CDH12: variants seen among roughly 807,000 people sequenced by gnomAD.
The protein encoded by CDH12 is cadherin-12.
In CDH12, 41 loss-of-function variants were observed where a neutral mutation model predicts 74.1. The observed-to-expected ratio is 0.55, with a 90% CI of 0.43 to 0.72. The LOEUF is 0.72. Ranked by LOEUF, CDH12 falls within the 30% of genes least tolerant of loss-of-function variation. The pLI, the probability that CDH12 is intolerant of heterozygous loss-of-function variation, is 0.00. For missense variants in CDH12, 945 were observed against 977.2 expected (o/e 0.97, Z 0.44); for synonymous variants, 399 against 355.0 (o/e 1.12, Z -1.39).
chr5:22,618,175 T>G (rs1737784402), intron 1 of CDH12, among the ~76,000 whole-genome samples: 1 of 152,136 alleles, frequency 6.6e-6, no homozygotes, highest in Non-Finnish European at 1.5e-5. Context: ...TAAATTGTTT[T>G]TCATTCAAAT....
intron 1 of CDH12, among the ~76,000 whole-genome samples, chr5:22,559,783 C>A (rs568450449): frequency 6.6e-6 from 1 of 152,138 alleles, no homozygotes; most frequent in East Asian, 1.9e-4. Flanking sequence ...TAGTTTCTGG[C>A]AGTTTCTCAT....
At chr5:22,391,172 A>T (rs865831627) in intron 3 of CDH12, among the ~76,000 whole-genome samples, 9 of 152,170 alleles carry the variant, frequency 5.9e-5, no homozygotes, top group African/African-American at 1.7e-4. Context: ...GTTGCAGATG[A>T]GAAGGCCTTG....
chr5:22,637,363 T>C (rs1738895291), intron 1 of CDH12, among the ~76,000 whole-genome samples: 2 of 152,216 alleles, frequency 1.3e-5, no homozygotes, highest in African/African-American at 4.8e-5. Flanking sequence ...CAGGCAATAG[T>C]AACTATCCAC....
At chr5:22,614,433 T>C (rs1011902888) in intron 1 of CDH12, among the ~76,000 whole-genome samples, 11 of 34,250 alleles carry the variant, frequency 3.2e-4, no homozygotes, top group African/African-American at 1.2e-3. Context: ...GTTGTTATCT[T>C]GAGCTGAGCT....
Position 22,271,952 on chromosome 5 carries a change from G to GTA in CDH12, c.-332-59311_-332-59310dup, listed in dbSNP as rs1161906233. Among the ~76,000 whole-genome samples, 6 of 152,186 alleles carry GTA rather than the reference G, an allele frequency of 3.9e-5. No homozygotes were observed. In the South Asian group the frequency reaches 6.2e-4, roughly 16 times the overall value. ...TAAGAACCCTAGAATTTTTGGAATG[G>GTA]TAAATGAGTGTTGGTTTCAACTTAT... On this transcript the variant is annotated intron_variant, in intron 3 of 14. Coordinates refer to ENST00000382254, the MANE Select transcript of CDH12 (RefSeq NM_004061.5).
intron 1 of CDH12, among the ~76,000 whole-genome samples, chr5:22,705,997 ATATGT>A (rs1217140461): frequency 6.6e-6 from 1 of 152,086 alleles, no homozygotes; most frequent in African/African-American, 2.4e-5. Context: ...ATGATATGAC[ATATGT>A]TATTTATGTC....
intron 4 of CDH12, among the ~76,000 whole-genome samples, chr5:22,098,086 C>T (rs1743904507): frequency 6.6e-6 from 1 of 152,170 alleles, no homozygotes; most frequent in Non-Finnish European, 1.5e-5. Flanking sequence ...TTCTAGATCT[C>T]AAACATGCTT....
intron 1 of CDH12, among the ~76,000 whole-genome samples, chr5:22,644,354 C>T (rs1739323286): frequency 2.0e-5 from 3 of 151,958 alleles, no homozygotes; most frequent in Admixed American, 6.6e-5. Context: ...GCAAAACAGC[C>T]TTATTGCTAA....
intron 3 of CDH12, among the ~76,000 whole-genome samples, chr5:22,391,332 C>A (rs1742238866): frequency 1.3e-5 from 2 of 152,040 alleles, no homozygotes; most frequent in South Asian, 4.1e-4. Flanking sequence ...TTAAATAACT[C>A]CAAGGAAGTT....
rs576293885 is a variant in CDH12, at chr5:22,822,118, A to T, written c.-523+30940T>A. 5.6e-3 allele frequency among the ~76,000 whole-genome samples: 853 copies of T among 152,312 alleles called. 2 individuals are homozygous for T. The highest frequency in any genetic ancestry group is 8.5e-3 in the Non-Finnish European group (576 of 68,018). Reference sequence around the variant, plus strand: ...CTGATCTTTGACAAATCTGACAAAAACAAGCAATGGGGAAAGGATTCCCTA... The same window carrying T: ...CTGATCTTTGACAAATCTGACAAAATCAAGCAATGGGGAAAGGATTCCCTA... On this transcript the variant is annotated intron_variant, in intron 1 of 14. Coordinates refer to ENST00000382254, the MANE Select transcript of CDH12 (RefSeq NM_004061.5).
At chr5:21,833,475 T>TTA (rs1749338845) in intron 8 of CDH12, among the ~76,000 whole-genome samples, 1 of 103,872 alleles carries the variant, frequency 9.6e-6, no homozygotes, top group African/African-American at 3.7e-5. Flanking sequence ...TTATTATATA[T>TTA]CATATATTAT....
intron 8 of CDH12, among the ~76,000 whole-genome samples, chr5:21,833,079 T>A (rs1454396073): frequency 4.9e-4 from 26 of 53,124 alleles, no homozygotes; most frequent in South Asian, 1.9e-3. Flanking sequence ...ATAATATATA[T>A]TATATTATAA....
At chr5:22,536,282 A>G (rs1282044789) in intron 1 of CDH12, among the ~76,000 whole-genome samples, 1 of 152,190 alleles carries the variant, frequency 6.6e-6, no homozygotes, top group East Asian at 1.9e-4. Flanking sequence ...GCCATCAACA[A>G]ATGGTCACCA....
chr5:22,441,605 C>A (rs1434239448), intron 2 of CDH12, among the ~76,000 whole-genome samples: 1 of 152,066 alleles, frequency 6.6e-6, no homozygotes, highest in Non-Finnish European at 1.5e-5. Flanking sequence ...AACTCAATGA[C>A]TAGTAGATTA....
At chr5:22,533,509 T>C (rs1429846061) in intron 1 of CDH12, among the ~76,000 whole-genome samples, 2 of 152,382 alleles carry the variant, frequency 1.3e-5, no homozygotes, top group South Asian at 4.1e-4. Context: ...TCATTAAATC[T>C]ATCAGGAACC....
intron 2 of CDH12, among the ~76,000 whole-genome samples, chr5:22,458,366 T>C (rs1745374162): frequency 6.6e-6 from 1 of 152,160 alleles, no homozygotes; most frequent in Non-Finnish European, 1.5e-5. Flanking sequence ...AAAAAACTCA[T>C]CTTAACTTGA....
intron 3 of CDH12, among the ~76,000 whole-genome samples, chr5:22,293,699 G>C (rs1162480139): frequency 6.6e-6 from 1 of 152,116 alleles, no homozygotes; most frequent in Non-Finnish European, 1.5e-5. Context: ...TGATGACATG[G>C]ATGAACCTGG....
chr5:22,254,420 A>T (rs1037729427), intron 3 of CDH12, among the ~76,000 whole-genome samples: 3 of 151,892 alleles, frequency 2.0e-5, no homozygotes, highest in African/African-American at 7.2e-5. Flanking sequence ...TACTTAGGAC[A>T]AACACATCAG....
chr5:21,857,037 C>G (rs1022661690), intron 6 of CDH12, among the ~76,000 whole-genome samples: 1 of 151,780 alleles, frequency 6.6e-6, no homozygotes, highest in African/African-American at 2.4e-5. Context: ...TGACTGTCAC[C>G]AAACTCATGC....
Sources: gnomAD v4.1 joint callset for allele counts (sites outside exome capture counted in the v4.1 genomes callset) on GRCh38, gnomAD v4.1.1 for gene constraint, MANE v1.5 for transcripts, NCBI Gene and HGNC (gene_info 2026-07-23, HGNC 2026-07-21) for gene names.